Variants in SETDB2 observed in about 807,000 individuals in gnomAD.
SETDB2 encodes the protein histone-lysine N-methyltransferase SETDB2.
Under a neutral mutation model 82.5 loss-of-function variants are expected in SETDB2, and 56 were observed. The ratio of observed to expected loss-of-function variants is 0.68; its 90% CI spans 0.55 to 0.85. The LOEUF (loss-of-function observed/expected upper bound fraction) is 0.85. SETDB2 is among the 40% of genes least tolerant of loss of function. SETDB2 has a pLI of 0.00. For missense variants in SETDB2, 677 were observed against 816.4 expected, an observed-to-expected ratio of 0.83 and a Z score of 2.08; for synonymous variants, 272 against 284.9, an observed-to-expected ratio of 0.95 and a Z score of 0.46.
chr13:49,476,901 C>A lies in SETDB2; in HGVS notation c.731C>A (p.Ser244Tyr). 2 of 1,614,168 alleles carry A rather than the reference C, an allele frequency of 1.2e-6. No homozygotes were observed. Among genetic ancestry groups the A allele is most frequent in the Non-Finnish European group, 1.7e-6 (2 of 1,180,030 alleles). The change falls in exon 6 of 14, where the codon TCT becomes TAT. Residue 244 changes from serine (S) to tyrosine (Y), a missense_variant. Ser to Tyr is a moderately radical substitution (Grantham distance 144). Transcript: ENST00000611815. ...ISNGVESVPI[S>Y]FCNEIDSRKL... Reference sequence around the variant, plus strand: ...AATGGAGTGGAATCAGTGCCCATTTCTTTCTGTAATGAAATTGACAGTAGA... The same window carrying A: ...AATGGAGTGGAATCAGTGCCCATTTATTTCTGTAATGAAATTGACAGTAGA...
intron 5 of SETDB2, among the ~76,000 whole-genome samples, chr13:49,470,966 CTTTTTT>C (rs55920370): frequency 6.2e-5 from 5 of 80,470 alleles, no homozygotes; most frequent in Admixed American, 3.3e-4. Context: ...TTCTTTCTTT[CTTTTTT>C]TTTTTTTTTT....
Position 49,490,855 on chromosome 13 carries a change from G to A in SETDB2, c.1951G>A (p.Val651Ile), listed in dbSNP as rs748735356. 6.2e-7 allele frequency: 1 copy of A among 1,613,460 alleles called. No homozygotes were observed. Among genetic ancestry groups the A allele is most frequent in the South Asian group, 1.1e-5 (1 of 91,012 alleles). ...SCCPNLLVQN[V>I]FVETHNRNFP... ...TTGCCCAAATCTCTTGGTACAGAAT[G>A]TTTTTGTAGAAACACACAACAGGAA... is the stretch of plus-strand genomic sequence containing the variant. The change falls in exon 13 of 14, where the codon GTT becomes ATT. Residue 651 changes from valine to isoleucine, a missense_variant. By Grantham distance (29) the Val-to-Ile change is conservative. Transcript: ENST00000611815.
intron 2 of SETDB2, among the ~76,000 whole-genome samples, chr13:49,458,153 T>A (rs1957927363): frequency 6.6e-6 from 1 of 152,204 alleles, no homozygotes; most frequent in South Asian, 2.1e-4. Flanking sequence ...GAATTCCTTT[T>A]GTTCACTGCA....
chr13:49,475,860 A>G (rs1371650858), intron 5 of SETDB2, among the ~76,000 whole-genome samples: 1 of 152,002 alleles, frequency 6.6e-6, no homozygotes, highest in East Asian at 1.9e-4. Context: ...AGATGTATCA[A>G]TATGATTGTG....
chr13:49,445,012 A>T lies in SETDB2; in HGVS notation c.-342+155A>T, dbSNP rs183132385. ...TATGTAATTAACTGTGCTCTTTGGCATGTGGAAACCTGCAGTGAGCTCTGT... is the reference window on the plus strand; with the variant it reads ...TATGTAATTAACTGTGCTCTTTGGCTTGTGGAAACCTGCAGTGAGCTCTGT... On this transcript the variant is annotated intron_variant, in intron 1 of 13. Coordinates refer to ENST00000611815, the MANE Select transcript of SETDB2 (RefSeq NM_001160308.3). Among the ~76,000 whole-genome samples, 20 of 152,334 alleles carry T rather than the reference A, an allele frequency of 1.3e-4. No individual in the cohort carries two copies. The East Asian group carries it at 3.9e-3, about 29-fold the overall frequency.
Position 49,451,481 on chromosome 13 carries a change from A to G in SETDB2, c.-341-72A>G, listed in dbSNP as rs951186015. On this transcript the variant is annotated intron_variant, in intron 1 of 13. Coordinates refer to ENST00000611815, the MANE Select transcript of SETDB2 (RefSeq NM_001160308.3). ...ATATCTTATTTCCTTATATATACAT[A>G]TATATATATATATATATATATATAT... is the stretch of plus-strand genomic sequence containing the variant. 3.0e-4 allele frequency: 3 copies of G among 9,932 alleles called. No individual in the cohort carries two copies. In the African/African-American group the frequency reaches 3.2e-3, roughly 11 times the overall value. 0.6% of individuals were successfully genotyped at this position (9,932 alleles called of 1,614,324 possible).
chr13:49,473,264 C>G (rs1316018261), intron 5 of SETDB2, among the ~76,000 whole-genome samples: 1 of 151,912 alleles, frequency 6.6e-6, no homozygotes, highest in Non-Finnish European at 1.5e-5. Context: ...AAATTCATAC[C>G]CGAGGCCAGG....
intron 5 of SETDB2, 41 bp downstream of exon 5, chr13:49,468,001 A>G (rs1267230636): frequency 1.4e-5 from 20 of 1,408,244 alleles, no homozygotes; most frequent in Non-Finnish European, 1.9e-5. Context: ...TTTTGCTCCT[A>G]CAGATTTCTT....
At chr13:49,478,549 G>A (rs1022103870) in intron 6 of SETDB2, among the ~76,000 whole-genome samples, 4 of 152,178 alleles carry the variant, frequency 2.6e-5, no homozygotes, top group African/African-American at 4.8e-5. Context: ...CATGAGTCCC[G>A]ACAAGTAGAG....
In SETDB2 at chr13:49,476,523, A is replaced by C. The variant is rs200105049; in HGVS notation, c.353A>C (p.Asp118Ala). 78 of 1,611,282 alleles carry C rather than the reference A, an allele frequency of 4.8e-5. 2 individuals are homozygous for C. The South Asian group carries it at 8.1e-4, about 17-fold the overall frequency. ...EILSLEDKVVDFREKDSSSNL... is the reference protein window; with the variant it reads ...EILSLEDKVVAFREKDSSSNL... ...CTCTCTCTTGAAGATAAAGTTGTAG[A>C]CTTTAGAGAAAAAGACTCATCTTCG... The change falls in exon 6 of 14, where the codon GAC (aspartate) becomes GCC (alanine). Residue 118 changes from aspartate to alanine, a missense_variant. Asp to Ala is a moderately radical substitution (Grantham distance 126). This residue lies in a region of SETDB2 where 243 missense variants were observed against 237.2 expected (regional missense o/e 1.02). Transcript: ENST00000611815.
At position 49,490,873 on chromosome 13, in the gene SETDB2, A is replaced by T. The variant is rs1324604521; in HGVS notation, c.1969A>T (p.Asn657Tyr). ...LVQNVFVETH[N>Y]RNFPLVAFFT... ...ACAGAATGTTTTTGTAGAAACACAC[A>T]ACAGGAATTTTCCATTGGTGGCATT... The change falls in exon 13 of 14, where the codon AAC becomes TAC. Residue 657 changes from asparagine (N) to tyrosine (Y), a missense_variant. This residue lies in a region of SETDB2 where 420 missense variants were observed against 554.6 expected (regional missense o/e 0.76). Coordinates refer to ENST00000611815, the MANE Select transcript of SETDB2 (RefSeq NM_001160308.3). 6.2e-7 allele frequency: 1 copy of T among 1,613,670 alleles called. No homozygotes were observed. Among genetic ancestry groups the T allele is most frequent in the Non-Finnish European group, 8.5e-7 (1 of 1,179,712 alleles).
chr13:49,454,407 A>AAAAT (rs946322845), intron 2 of SETDB2, among the ~76,000 whole-genome samples: 3 of 152,104 alleles, frequency 2.0e-5, no homozygotes, highest in Non-Finnish European at 4.4e-5. Flanking sequence ...AGACTATCTC[A>AAAAT]AAATAAATAA....
At chr13:49,446,033 A>G (rs1957677575) in intron 1 of SETDB2, 1 of 212,544 alleles carries the variant, frequency 4.7e-6, no homozygotes, top group Non-Finnish European at 9.5e-6. Flanking sequence ...GTTCAAGACC[A>G]ACCTGGGCAA....
intron 2 of SETDB2, among the ~76,000 whole-genome samples, chr13:49,452,932 G>T (rs1957810432): frequency 6.6e-6 from 1 of 152,134 alleles, no homozygotes; most frequent in Non-Finnish European, 1.5e-5. Flanking sequence ...AACAGAGCTT[G>T]AGCTGGCTAA....
At chr13:49,462,546 C>T (rs114327881) in intron 4 of SETDB2, among the ~76,000 whole-genome samples, 1 of 152,152 alleles carries the variant, frequency 6.6e-6, no homozygotes, top group East Asian at 1.9e-4. Context: ...TATGATGTTA[C>T]ATGTACTAAG....
chr13:49,491,093 A>C (rs1172957003), intron 13 of SETDB2, among the ~76,000 whole-genome samples, 183 bp downstream of exon 13: 1 of 152,326 alleles, frequency 6.6e-6, no homozygotes, highest in African/African-American at 2.4e-5. Context: ...TCTTTACTAA[A>C]AAAAATAGAA....
chr13:49,490,692 A>G (rs1958694436), intron 12 of SETDB2, 130 bp from the exon 13 acceptor site: 5 of 594,336 alleles, frequency 8.4e-6, no homozygotes, highest in Non-Finnish European at 1.1e-5. Flanking sequence ...AGCTGTGATA[A>G]TTTATACATT....
intron 2 of SETDB2, among the ~76,000 whole-genome samples, chr13:49,458,750 T>C (rs1364284626): frequency 6.6e-6 from 1 of 152,260 alleles, no homozygotes; most frequent in Admixed American, 6.5e-5. Flanking sequence ...ATTTGCCACC[T>C]GTCCCTCTAC....
rs1164948936 is a variant in SETDB2, at chr13:49,492,218, C to T, written c.*369C>T. On this transcript the variant is annotated 3_prime_UTR_variant, in exon 14 of 14. Coordinates refer to ENST00000611815, the MANE Select transcript of SETDB2 (RefSeq NM_001160308.3). ...TGTGACTGTTACCTTTTAGTTCATG[C>T]CCCCCCAAAGAGCTAAATTTCACAT... 5.6e-6 allele frequency: 1 copy of T among 179,728 alleles called. No homozygotes were observed. Among genetic ancestry groups the T allele is most frequent in the Non-Finnish European group, 1.2e-5 (1 of 84,060 alleles). The allele number at this position is 179,728 out of a possible 1,614,324, so 11.1% of individuals were successfully genotyped here. A position where few individuals can be genotyped will look rare whatever the true frequency, so the allele number is the denominator to read the frequency against.
Sources: allele counts gnomAD v4.1 joint callset (sites outside exome capture counted in the v4.1 genomes callset), GRCh38; gene constraint gnomAD v4.1.1; regional missense constraint gnomAD v4.1.1; transcripts MANE v1.5; gene names NCBI Gene and HGNC (gene_info 2026-07-23, HGNC 2026-07-21).